Variants in CEP15 observed in about 807,000 individuals in gnomAD.
The protein encoded by CEP15 is centrosomal protein 15 kDa.
At chr3:62,330,892 A>G in the CEP15 span, among the ~76,000 whole-genome samples, 1 of 152,160 alleles carries the variant, frequency 6.6e-6, no homozygotes, top group Non-Finnish European at 1.5e-5. Flanking sequence ...GAGAGACTAG[A>G]ACTCTTCACT....
chr3:62,320,574 G>T, the CEP15 span: 18 of 1,444,448 alleles, frequency 1.2e-5, no homozygotes, highest in Non-Finnish European at 1.7e-5. Flanking sequence ...GACTGGCTTT[G>T]TTAGTGAAAT....
the CEP15 span, chr3:62,335,393 C>G: frequency 6.6e-6 from 1 of 151,564 alleles, no homozygotes; most frequent in Non-Finnish European, 1.5e-5. Context: ...ATTCCTGGCC[C>G]CTGCAGAGCT....
At chr3:62,333,869 A>ACTT in the CEP15 span, 1 of 152,192 alleles carries the variant, frequency 6.6e-6, no homozygotes, top group Non-Finnish European at 1.5e-5. This position sits in a 1 kb window ranked among gnomAD's most constrained non-coding sequence, Gnocchi z 4.0. Context: ...TAGCAAAATA[A>ACTT]CTTATGAGAA....
At chr3:62,325,848 A>AC in the CEP15 span, among the ~76,000 whole-genome samples, 1 of 151,976 alleles carries the variant, frequency 6.6e-6, no homozygotes, top group African/African-American at 2.4e-5. Flanking sequence ...ACATGGTGAA[A>AC]CCCCGTCTCT....
At chr3:62,320,450 T>C in the CEP15 span, 1 of 1,607,448 alleles carries the variant, frequency 6.2e-7, no homozygotes, top group South Asian at 1.1e-5. Flanking sequence ...GTTTTTATTC[T>C]TTATGACAGC....
At chr3:62,327,143 A>G in the CEP15 span, among the ~76,000 whole-genome samples, 1 of 152,216 alleles carries the variant, frequency 6.6e-6, no homozygotes, top group African/African-American at 2.4e-5. Flanking sequence ...CAGTTTGGAT[A>G]TTGCTAATTA....
At chr3:62,319,747 A>G in the CEP15 span, 832 of 152,364 alleles carry the variant, frequency 5.5e-3, 8 homozygotes, top group South Asian at 0.018. Flanking sequence ...TTTTAAGCCC[A>G]ACCAGATGAG....
chr3:62,331,334 G>A, the CEP15 span: 1 of 1,612,826 alleles, frequency 6.2e-7, no homozygotes, highest in Non-Finnish European at 8.5e-7. Flanking sequence ...GGATATAGAA[G>A]CAGCAGAAAA....
the CEP15 span, chr3:62,333,352 A>C: frequency 6.2e-7 from 1 of 1,611,674 alleles, no homozygotes; most frequent in African/African-American, 1.3e-5. This position sits in a 1 kb window ranked among gnomAD's most constrained non-coding sequence, Gnocchi z 4.0. Context: ...AATCAAAATG[A>C]AGCAGAAAAT....
chr3:62,328,475 A>G, the CEP15 span, among the ~76,000 whole-genome samples: 1 of 152,202 alleles, frequency 6.6e-6, no homozygotes, highest in East Asian at 1.9e-4. Context: ...ACCACCAACT[A>G]CATAATAGTT....
the CEP15 span, among the ~76,000 whole-genome samples, chr3:62,325,583 T>G: frequency 4.6e-5 from 7 of 152,170 alleles, no homozygotes; most frequent in Non-Finnish European, 1.0e-4. Flanking sequence ...TTAGTATTAG[T>G]AAAATGGAAT....
chr3:62,325,014 C>A, the CEP15 span, among the ~76,000 whole-genome samples: 3 of 151,920 alleles, frequency 2.0e-5, no homozygotes, highest in African/African-American at 7.2e-5. Context: ...ATAAAAGATA[C>A]AAAAATCAAT....
the CEP15 span, chr3:62,322,580 CT>C: frequency 2.0e-5 from 3 of 152,354 alleles, no homozygotes; most frequent in African/African-American, 7.2e-5. The surrounding 1 kb of genome is among the most constrained non-coding windows in gnomAD (Gnocchi z 5.5). Flanking sequence ...TGTGCGGGGC[CT>C]CACCATTTGG....
chr3:62,319,866 A>G, the CEP15 span: 1 of 152,304 alleles, frequency 6.6e-6, no homozygotes, highest in Non-Finnish European at 1.5e-5. Context: ...TGTGCCACGA[A>G]AATGGGCTTT....
At chr3:62,324,120 C>T in the CEP15 span, 1 of 152,020 alleles carries the variant, frequency 6.6e-6, no homozygotes, top group Non-Finnish European at 1.5e-5. Flanking sequence ...CACAGTGGCT[C>T]ATGTCTATAA....
the CEP15 span, among the ~76,000 whole-genome samples, chr3:62,332,155 C>G: frequency 6.6e-6 from 1 of 152,170 alleles, no homozygotes; most frequent in South Asian, 2.1e-4. Context: ...TTGTTTGATT[C>G]TCCTATACCT....
chr3:62,331,445 C>A, the CEP15 span: 5 of 1,446,506 alleles, frequency 3.5e-6, no homozygotes, highest in South Asian at 3.4e-5. Flanking sequence ...CCCTATCTAT[C>A]TATCAGTAGT....
At chr3:62,320,381 G>A in the CEP15 span, 1 of 944,118 alleles carries the variant, frequency 1.1e-6, no homozygotes, top group South Asian at 1.6e-5. Context: ...AATGGATTAA[G>A]GTACTAAAAT....
At chr3:62,321,960 A>G in the CEP15 span, 2 of 1,605,918 alleles carry the variant, frequency 1.2e-6, no homozygotes, top group Non-Finnish European at 1.7e-6. The surrounding 1 kb of genome is among the most constrained non-coding windows in gnomAD (Gnocchi z 4.1). Context: ...TACTTCAACA[A>G]ATGGAGAATA....
Sources: gnomAD v4.1 joint callset for allele counts (sites outside exome capture counted in the v4.1 genomes callset) on GRCh38, gnomAD v4.1.1 for gene constraint, Gnocchi (gnomAD v3.1) non-coding constraint, MANE v1.5 for transcripts, NCBI Gene and HGNC (gene_info 2026-07-23, HGNC 2026-07-21) for gene names.